Variants in BEND7 observed in about 807,000 individuals in gnomAD.
BEND7 encodes the protein BEN domain containing 7, also known as BEN domain-containing protein 7.
BEND7 carries 28 observed loss-of-function variants against 50.9 expected under a neutral mutation model. That is an observed-to-expected ratio of 0.55 (90% CI 0.41 to 0.75). The LOEUF is 0.75. BEND7 is among the 30% of genes least tolerant of loss of function. BEND7 has a pLI of 0.00. For synonymous variants in BEND7, 170 were observed against 183.9 expected (o/e 0.92, Z 0.61); for missense variants, 477 against 491.3 (o/e 0.97, Z 0.28).
In BEND7 at chr10:13,504,119, A is replaced by G. The variant is rs140231708; in HGVS notation, c.146-4039T>C. Among the ~76,000 whole-genome samples, 998 of 152,338 alleles carry G rather than the reference A, an allele frequency of 6.6e-3. 28 individuals are homozygous for G. Among genetic ancestry groups the G allele is most frequent in the Admixed American group, 0.05 (767 of 15,308 alleles). On this transcript the variant is annotated intron_variant, in intron 2 of 8. Transcript: ENST00000466271. Reference sequence around the variant, plus strand: ...CGAGGCCTGAAGACTCCAAGTGACAATGACAAAGAAGCTGAGTCAACCTAA... The same window carrying G: ...CGAGGCCTGAAGACTCCAAGTGACAGTGACAAAGAAGCTGAGTCAACCTAA...
intron 6 of BEND7, chr10:13,459,822 C>G (rs1461607199): frequency 1.3e-5 from 2 of 152,256 alleles, no homozygotes; most frequent in Non-Finnish European, 2.9e-5. Flanking sequence ...TTGTTGGGGT[C>G]AAGGGGCTAG....
At chr10:13,501,921 T>G (rs1315633231) in intron 2 of BEND7, among the ~76,000 whole-genome samples, 1 of 152,012 alleles carries the variant, frequency 6.6e-6, no homozygotes, top group Non-Finnish European at 1.5e-5. Context: ...TGCTTGAAAT[T>G]TAAACTGTAA....
chr10:13,486,405 C>T (rs936431076), intron 5 of BEND7, among the ~76,000 whole-genome samples: 1 of 152,176 alleles, frequency 6.6e-6, no homozygotes, highest in South Asian at 2.1e-4. Context: ...ACTAGATGCT[C>T]ACCAGCATGG....
rs994321354 is a variant in BEND7 at position 13,503,008 on chromosome 10, C to T, written c.146-2928G>A. The stretch of plus-strand genomic sequence containing the variant: ...AGTGCTACCATTAGCAACAGGAAGG[C>T]GTCACAAGGATTCTGGAACCTTCTG... On this transcript the variant is annotated intron_variant, in intron 2 of 8. Coordinates refer to ENST00000466271, the MANE Select transcript of BEND7 (RefSeq NM_001369863.1). The T allele has an allele frequency of 2.9e-5, 26 of 883,268 alleles. No individual in the cohort carries two copies. In the South Asian group the frequency reaches 4.7e-4, roughly 16 times the overall value. 54.7% of individuals were successfully genotyped at this position (883,268 alleles called of 1,614,324 possible).
At chr10:13,525,048 G>T (rs958531855) in intron 2 of BEND7, among the ~76,000 whole-genome samples, 86 of 152,186 alleles carry the variant, frequency 5.7e-4, no homozygotes, top group Non-Finnish European at 5.4e-4. Context: ...CCTGCTACCT[G>T]AAGTCCCCCT....
intron 2 of BEND7, among the ~76,000 whole-genome samples, chr10:13,507,433 T>C (rs560047431): frequency 1.6e-4 from 25 of 152,276 alleles, no homozygotes; most frequent in African/African-American, 5.8e-4. Flanking sequence ...ACTATTACAC[T>C]ATCATGTCCC....
At chr10:13,452,787 C>T (rs7071421) in intron 6 of BEND7, 129 bp from the exon 7 acceptor site, 261,956 of 777,170 alleles carry the variant, frequency 0.34, 48,450 homozygotes, top group East Asian at 0.67. Context: ...GATATGTCTT[C>T]GGTATCTGTA....
chr10:13,514,781 A>G (rs141275376), intron 2 of BEND7, among the ~76,000 whole-genome samples: 8 of 152,210 alleles, frequency 5.3e-5, no homozygotes, highest in Non-Finnish European at 7.3e-5. Flanking sequence ...AATTGAAAAA[A>G]TTATCTATGT....
At position 13,500,077 on chromosome 10, in the gene BEND7, T is replaced by C; in HGVS notation, c.149A>G (p.Asp50Gly). 6.3e-7 allele frequency: 1 copy of C among 1,588,872 alleles called. No homozygotes were observed. Among genetic ancestry groups the C allele is most frequent in the African/African-American group, 1.3e-5 (1 of 74,260 alleles). The change falls in exon 3 of 9, where the codon GAT (aspartate) becomes GGT (glycine). Residue 50 changes from aspartate to glycine, a missense_variant. Physicochemically the swap from Asp to Gly is moderately conservative, Grantham distance 94. This residue lies in a region of BEND7 where 396 missense variants were observed against 384.2 expected (regional missense o/e 1.03). Coordinates refer to ENST00000466271, the MANE Select transcript of BEND7 (RefSeq NM_001369863.1). ...TTGCTTTTTTATTTCCATGCTTTCA[T>C]CTCCTAATGGAAACAGGGCCAAAGT... The part of the protein sequence containing the change: ...AKETQPIFLG[D>G]ESMEIKKQIT...
intron 6 of BEND7, chr10:13,480,529 T>C: frequency 1.6e-6 from 1 of 630,310 alleles, no homozygotes; most frequent in South Asian, 7.4e-5. Context: ...TTTTTTTTTT[T>C]AAGAAGCATC....
chr10:13,488,497 C>CT lies in BEND7; in HGVS notation c.837+4113dup, dbSNP rs373175226. ...ATTAAATACTGTATTTTCTTTTTTT[C>CT]TTTTTTTTTGAGATGGAGTCTTGCT... On this transcript the variant is annotated intron_variant, in intron 5 of 8. Transcript: ENST00000466271. 9.0e-3 allele frequency among the ~76,000 whole-genome samples: 1,355 copies of CT among 151,110 alleles called. 21 individuals carry two copies. The highest frequency in any genetic ancestry group is 0.031 in the African/African-American group (1,299 of 41,262).
At chr10:13,491,905 G>A (rs1365454888) in intron 5 of BEND7, among the ~76,000 whole-genome samples, 5 of 151,966 alleles carry the variant, frequency 3.3e-5, no homozygotes, top group Non-Finnish European at 7.4e-5. Context: ...ACAAGTTAAG[G>A]TTCACAACAC....
chr10:13,453,873 CTG>C (rs1273991160), intron 6 of BEND7, among the ~76,000 whole-genome samples: 1 of 152,208 alleles, frequency 6.6e-6, no homozygotes, highest in Non-Finnish European at 1.5e-5. Flanking sequence ...AGACATAAAA[CTG>C]TTATACCTTT....
chr10:13,482,913 G>A (rs2075972777), intron 5 of BEND7, among the ~76,000 whole-genome samples: 1 of 152,180 alleles, frequency 6.6e-6, no homozygotes, highest in East Asian at 1.9e-4. Flanking sequence ...AGGATTGAGA[G>A]AATTTTACCA....
chr10:13,504,856 C>T (rs1413390392), intron 2 of BEND7, among the ~76,000 whole-genome samples: 1 of 152,192 alleles, frequency 6.6e-6, no homozygotes, highest in Non-Finnish European at 1.5e-5. Context: ...GCTGGATTCT[C>T]CCCCTCACTA....
chr10:13,469,569 C>T (rs930039092), intron 6 of BEND7, among the ~76,000 whole-genome samples: 16 of 152,290 alleles, frequency 1.1e-4, no homozygotes, highest in East Asian at 3.9e-4. Context: ...CTCCACCTCC[C>T]GGGTTCAAGT....
chr10:13,512,813 C>T (rs1179801985), intron 2 of BEND7, among the ~76,000 whole-genome samples: 4 of 152,164 alleles, frequency 2.6e-5, no homozygotes, highest in African/African-American at 9.7e-5. Flanking sequence ...AAACAGATCA[C>T]ATTCACAATG....
At chr10:13,498,509 G>A (rs2077201374) in intron 3 of BEND7, among the ~76,000 whole-genome samples, 1 of 152,136 alleles carries the variant, frequency 6.6e-6, no homozygotes, top group African/African-American at 2.4e-5. Context: ...ACAGAACACT[G>A]TTCACCCAAA....
At chr10:13,503,899 G>C (rs998023714) in intron 2 of BEND7, among the ~76,000 whole-genome samples, 1 of 152,144 alleles carries the variant, frequency 6.6e-6, no homozygotes, top group East Asian at 1.9e-4. Flanking sequence ...ATGGTCTCTG[G>C]GGTTTACTGA....
Sources: gnomAD v4.1 joint callset for allele counts (sites outside exome capture counted in the v4.1 genomes callset) on GRCh38, gnomAD v4.1.1 for gene constraint, gnomAD v4.1.1 regional missense constraint, MANE v1.5 for transcripts, NCBI Gene and HGNC (gene_info 2026-07-23, HGNC 2026-07-21) for gene names.